The following EXOC6 variants were observed in gnomAD, a reference collection of about 807,000 sequenced individuals.
EXOC6 encodes exocyst complex component 6.
EXOC6 carries 60 observed loss-of-function variants against 112.5 expected under a neutral mutation model. The observed-to-expected ratio is 0.53, with a 90% CI of 0.43 to 0.66. EXOC6 has a LOEUF of 0.66. Among genes scored for constraint, EXOC6 ranks in the 30% least tolerant of loss-of-function variants. The probability of loss-of-function intolerance (pLI) is 0.00; values close to 1 mark genes in which losing one functional copy is unlikely to be tolerated. For synonymous variants in EXOC6, 295 were observed against 308.0 expected (o/e 0.96, Z 0.44); for missense variants, 855 against 957.1 (o/e 0.89, Z 1.41).
chr10:93,021,257 G>C (rs1007371243), intron 20 of EXOC6, among the ~76,000 whole-genome samples: 19 of 151,962 alleles, frequency 1.3e-4, no homozygotes, highest in African/African-American at 4.3e-4. Context: ...GAGGTAGGAG[G>C]ATCACTTGAA....
At chr10:93,000,430 C>T (rs1843708180) in intron 19 of EXOC6, among the ~76,000 whole-genome samples, 1 of 152,114 alleles carries the variant, frequency 6.6e-6, no homozygotes, top group Non-Finnish European at 1.5e-5. Flanking sequence ...CTAGAGGCTC[C>T]TTTTAAAACT....
chr10:92,884,235 T>C (rs980310850), intron 1 of EXOC6, among the ~76,000 whole-genome samples: 5 of 152,198 alleles, frequency 3.3e-5, no homozygotes, highest in Non-Finnish European at 7.3e-5. Flanking sequence ...TGTAGAAAGC[T>C]TTGACACCAA....
intron 1 of EXOC6, among the ~76,000 whole-genome samples, chr10:92,866,335 A>C (rs1281460858): frequency 6.6e-6 from 1 of 152,176 alleles, no homozygotes; most frequent in Non-Finnish European, 1.5e-5. Context: ...CTATAGCCAC[A>C]AACATTCCTT....
At chr10:92,963,818 G>C (rs1347700993) in intron 17 of EXOC6, among the ~76,000 whole-genome samples, 1 of 152,074 alleles carries the variant, frequency 6.6e-6, no homozygotes, top group Non-Finnish European at 1.5e-5. Flanking sequence ...GAGATTTCTA[G>C]AACTTTATGA....
chr10:93,030,028 C>G (rs1392777882), intron 20 of EXOC6, among the ~76,000 whole-genome samples: 3 of 152,090 alleles, frequency 2.0e-5, no homozygotes, highest in Non-Finnish European at 2.9e-5. Flanking sequence ...CCTGCCTCAG[C>G]CCCCTGAGTA....
chr10:92,955,126 A>G (rs1351248191), intron 16 of EXOC6, among the ~76,000 whole-genome samples: 2 of 152,108 alleles, frequency 1.3e-5, no homozygotes, highest in African/African-American at 4.8e-5. Context: ...GTGAGTTACA[A>G]TCATACCACT....
At chr10:92,989,551 C>T (rs557985347) in intron 18 of EXOC6, among the ~76,000 whole-genome samples, 33 of 152,284 alleles carry the variant, frequency 2.2e-4, no homozygotes, top group Middle Eastern at 6.8e-3. Context: ...ACAAAAGACC[C>T]TTTAGCACCA....
chr10:92,928,048 T>C (rs568252096), intron 8 of EXOC6, among the ~76,000 whole-genome samples: 1 of 152,338 alleles, frequency 6.6e-6, no homozygotes, highest in South Asian at 2.1e-4. Context: ...CCCTCACTGA[T>C]AGCCATATTT....
chr10:93,045,130 C>T (rs1845947301), intron 20 of EXOC6, among the ~76,000 whole-genome samples: 1 of 152,226 alleles, frequency 6.6e-6, no homozygotes, highest in Non-Finnish European at 1.5e-5. Context: ...CCTCAGCCTC[C>T]TAAAGTGCTG....
intron 19 of EXOC6, chr10:92,999,426 G>T: frequency 3.5e-6 from 1 of 284,006 alleles, no homozygotes; most frequent in Non-Finnish European, 6.8e-6. Flanking sequence ...TTTGAAACTG[G>T]TTTCTTAAGT....
chr10:93,042,237 A>T (rs1475331662), intron 20 of EXOC6, among the ~76,000 whole-genome samples: 1 of 152,134 alleles, frequency 6.6e-6, no homozygotes, highest in East Asian at 1.9e-4. Flanking sequence ...AAATACCACG[A>T]GCCCTCCTTT....
rs74818745 is a variant in EXOC6, at chr10:92,950,495, T to C, written c.1417-1778T>C. Among the ~76,000 whole-genome samples the C allele has an allele frequency of 3.6e-3, 551 of 152,314 alleles. 27 individuals carry two copies. The East Asian group carries it at 0.066, about 18-fold the overall frequency. ...ATATACCAGAAACAGTGCTATGTGC[T>C]AGATTTTCAGTCTTTGGTGTTAAGG... is the stretch of plus-strand genomic sequence containing the variant. On this transcript the variant is annotated intron_variant, in intron 14 of 21. Transcript: ENST00000260762.
At position 93,011,375 on chromosome 10, in the gene EXOC6, G is replaced by A. The variant is rs544535405; in HGVS notation, c.2096-2819G>A. On this transcript the variant is annotated intron_variant, in intron 19 of 21. Transcript: ENST00000260762. ...GGGCTTAAGTGATCCTCCTGCCCTA[G>A]CCTCCCCAGTAGGTGGAACTACTAC... 3.9e-5 allele frequency among the ~76,000 whole-genome samples: 6 copies of A among 152,052 alleles called. No homozygotes were observed. In the East Asian group the frequency reaches 1.2e-3, roughly 29 times the overall value.
rs1378848196 is a variant in EXOC6, at chr10:92,997,486, C to T, written c.1966C>T (p.Gln656Ter). The change falls in exon 19 of 22, where the codon CAG (glutamine) becomes TAG (stop). Residue 656 changes from glutamine (Q) to a stop codon, truncating the protein, a stop_gained. Transcript: ENST00000260762. LOFTEE classifies it high-confidence loss of function. ...TTGTTTTAAACAGGGGAAAGTTGCT[C>T]AGACAGCTTGCATGTCAGCCTGCCA... ...VFTHLPGKVAQTACMSACQHL... is the reference protein window; with the variant it reads ...VFTHLPGKVA The T allele has an allele frequency of 6.2e-7, 1 of 1,610,182 alleles. No homozygotes were observed. The highest frequency in any genetic ancestry group is 2.2e-5 in the East Asian group (1 of 44,788).
chr10:93,007,306 A>ATG (rs1844038219), intron 19 of EXOC6, among the ~76,000 whole-genome samples: 1 of 150,936 alleles, frequency 6.6e-6, no homozygotes, highest in African/African-American at 2.4e-5. Context: ...TTTTTTATAT[A>ATG]TACAAATAAC....
chr10:92,895,250 T>G (rs1028018014), intron 4 of EXOC6, among the ~76,000 whole-genome samples: 1 of 152,202 alleles, frequency 6.6e-6, no homozygotes, highest in African/African-American at 2.4e-5. Context: ...AACAGCAACT[T>G]CTACATTTCC....
At chr10:92,943,850 T>C (rs1852816447) in intron 13 of EXOC6, among the ~76,000 whole-genome samples, 1 of 152,190 alleles carries the variant, frequency 6.6e-6, no homozygotes, top group African/African-American at 2.4e-5. Flanking sequence ...GAAACTGTAC[T>C]CTTTGACAAA....
chr10:92,902,332 T>G (rs1377509216), intron 5 of EXOC6, among the ~76,000 whole-genome samples: 1 of 152,128 alleles, frequency 6.6e-6, no homozygotes, highest in Admixed American at 6.5e-5. Flanking sequence ...CTTATTTCTC[T>G]AGGATATTAA....
chr10:92,861,872 G>T (rs913979523), intron 1 of EXOC6, among the ~76,000 whole-genome samples: 2 of 152,188 alleles, frequency 1.3e-5, no homozygotes, highest in Non-Finnish European at 2.9e-5. Context: ...TTTCATTAGG[G>T]AACAGGTTTG....
Sources: gnomAD v4.1 joint callset for allele counts (sites outside exome capture counted in the v4.1 genomes callset) on GRCh38, gnomAD v4.1.1 for gene constraint, MANE v1.5 for transcripts, NCBI Gene and HGNC (gene_info 2026-07-23, HGNC 2026-07-21) for gene names.